The following PBX1 variants were observed in gnomAD, a reference collection of about 807,000 sequenced individuals.
PBX1 encodes pre-B-cell leukemia transcription factor 1.
In PBX1, 6 loss-of-function variants were observed where a neutral mutation model predicts 53.4. The ratio of observed to expected loss-of-function variants is 0.11; its 90% CI spans 0.06 to 0.22. The LOEUF is 0.22. PBX1 is among the 10% of genes least tolerant of loss of function. PBX1 has a pLI of 1.00. For missense variants in PBX1, 251 were observed against 551.4 expected, an observed-to-expected ratio of 0.46 and a Z score of 5.46; for synonymous variants, 204 against 212.3, an observed-to-expected ratio of 0.96 and a Z score of 0.34.
At chr1:164,716,654 C>T (rs1031493045) in intron 2 of PBX1, among the ~76,000 whole-genome samples, 1 of 140,420 alleles carries the variant, frequency 7.1e-6, no homozygotes, top group Non-Finnish European at 1.5e-5. Flanking sequence ...TAGTTTGAGA[C>T]CAGCCTGGGC....
chr1:164,581,374 C>T (rs564475441), intron 2 of PBX1, among the ~76,000 whole-genome samples: 10 of 151,754 alleles, frequency 6.6e-5, no homozygotes, highest in South Asian at 2.1e-4. Context: ...ATTACAGGCA[C>T]GGGCCACCGC....
At chr1:164,814,202 C>A (rs981613183) in intron 6 of PBX1, 31 of 152,122 alleles carry the variant, frequency 2.0e-4, no homozygotes, top group African/African-American at 7.5e-4. Flanking sequence ...TAAAGTAGAA[C>A]TTTAAAATGT....
rs568973110 is a variant in PBX1 at position 164,725,322 on chromosome 1, T to G, written c.266-67172T>G. Among the ~76,000 whole-genome samples the G allele has an allele frequency of 3.3e-5, 5 of 152,300 alleles. No individual in the cohort carries two copies. In the East Asian group the frequency reaches 7.8e-4, roughly 24 times the overall value. Reference sequence around the variant, plus strand: ...CATTTTTAGGTCTTCAGTATGTTTATTTGTCCCTCACATAGCGGCTTGATC... The same window carrying G: ...CATTTTTAGGTCTTCAGTATGTTTAGTTGTCCCTCACATAGCGGCTTGATC... On this transcript the variant is annotated intron_variant, in intron 2 of 8. Transcript: ENST00000420696.
At chr1:164,666,236 G>A (rs775946798) in intron 2 of PBX1, among the ~76,000 whole-genome samples, 28 of 152,198 alleles carry the variant, frequency 1.8e-4, no homozygotes, top group Non-Finnish European at 3.4e-4. Context: ...GCCACTTGGC[G>A]TCTCAGCCCT....
chr1:164,839,737 A>G (rs1050975397), intron 8 of PBX1, among the ~76,000 whole-genome samples: 3 of 152,166 alleles, frequency 2.0e-5, no homozygotes, highest in African/African-American at 4.8e-5. Context: ...AAGGATTTCT[A>G]TTCTCCACCA....
intron 2 of PBX1, among the ~76,000 whole-genome samples, chr1:164,659,144 G>A (rs1660341041): frequency 1.3e-5 from 2 of 152,186 alleles, no homozygotes; most frequent in South Asian, 4.1e-4. Flanking sequence ...CACAGAGAGG[G>A]AATATTTCTT....
chr1:164,613,446 T>C (rs1268193991), intron 2 of PBX1, among the ~76,000 whole-genome samples: 1 of 152,174 alleles, frequency 6.6e-6, no homozygotes, highest in African/African-American at 2.4e-5. Flanking sequence ...CCTGGCAAAC[T>C]GTTTTTCCTC....
chr1:164,673,700 A>C (rs999163042), intron 2 of PBX1, among the ~76,000 whole-genome samples: 1 of 151,896 alleles, frequency 6.6e-6, no homozygotes, highest in Non-Finnish European at 1.5e-5. Flanking sequence ...TTAAATTTTG[A>C]CTTTGTAAAT....
intron 4 of PBX1, among the ~76,000 whole-genome samples, chr1:164,804,179 C>A (rs968922226): frequency 6.6e-6 from 1 of 152,098 alleles, no homozygotes; most frequent in African/African-American, 2.4e-5. Context: ...ATTATTGAAG[C>A]CTGTGCTCCT....
intron 8 of PBX1, among the ~76,000 whole-genome samples, chr1:164,832,086 A>G (rs888720158): frequency 2.6e-5 from 4 of 152,200 alleles, no homozygotes; most frequent in African/African-American, 4.8e-5. Flanking sequence ...TTACCTCACT[A>G]TTACATTTTT....
At chr1:164,813,729 T>C (rs886624309) in intron 6 of PBX1, 2 of 152,272 alleles carry the variant, frequency 1.3e-5, no homozygotes, top group African/African-American at 4.8e-5. Context: ...TGGCTTAGCA[T>C]GATTTATGAC....
chr1:164,841,000 G>A lies in PBX1; in HGVS notation c.1201-5584G>A, dbSNP rs372720608. ...TCTCCAAGAAACATTTATCAAAATC[G>A]GCGATGTGTCGGGCACTGTGGTGGG... On this transcript the variant is annotated intron_variant, in intron 8 of 8. Coordinates refer to ENST00000420696, the MANE Select transcript of PBX1 (RefSeq NM_002585.4). 4.6e-5 allele frequency among the ~76,000 whole-genome samples: 7 copies of A among 152,126 alleles called. No homozygotes were observed. The East Asian group carries it at 9.7e-4, about 21-fold the overall frequency.
intron 2 of PBX1, among the ~76,000 whole-genome samples, chr1:164,743,877 C>A (rs1367726576): frequency 1.3e-5 from 2 of 152,108 alleles, no homozygotes; most frequent in Non-Finnish European, 1.5e-5. Flanking sequence ...GTACAGTTAT[C>A]CAGAACTTAG....
intron 2 of PBX1, among the ~76,000 whole-genome samples, chr1:164,751,580 CCT>C (rs752462643): frequency 6.3e-5 from 9 of 142,060 alleles, no homozygotes; most frequent in Admixed American, 1.4e-4. Flanking sequence ...TTATTGCCCC[CCT>C]TTTTTTTTTT....
At chr1:164,661,018 G>A (rs1259875907) in intron 2 of PBX1, among the ~76,000 whole-genome samples, 3 of 152,200 alleles carry the variant, frequency 2.0e-5, no homozygotes, top group African/African-American at 7.2e-5. Context: ...GAAGCCAACA[G>A]CTGATCACAT....
intron 2 of PBX1, among the ~76,000 whole-genome samples, chr1:164,597,631 G>A (rs1655860603): frequency 6.6e-6 from 1 of 152,008 alleles, no homozygotes; most frequent in Non-Finnish European, 1.5e-5. Flanking sequence ...CCAGGACCTG[G>A]TATGTACTTT....
intron 2 of PBX1, among the ~76,000 whole-genome samples, chr1:164,730,533 G>A (rs1664921579): frequency 1.3e-5 from 2 of 152,112 alleles, no homozygotes; most frequent in African/African-American, 4.8e-5. Flanking sequence ...TTCGTCACAA[G>A]CCCCTCTCAT....
At chr1:164,661,900 A>T (rs1250019985) in intron 2 of PBX1, among the ~76,000 whole-genome samples, 1 of 152,194 alleles carries the variant, frequency 6.6e-6, no homozygotes, top group Non-Finnish European at 1.5e-5. Context: ...AAAAACAGGA[A>T]AAAAAGGACT....
At chr1:164,586,883 G>A (rs1428963992) in intron 2 of PBX1, among the ~76,000 whole-genome samples, 1 of 152,084 alleles carries the variant, frequency 6.6e-6, no homozygotes, top group African/African-American at 2.4e-5. Flanking sequence ...ATCCGCAGAG[G>A]GAACTTGAAA....
Sources: allele counts gnomAD v4.1 joint callset (sites outside exome capture counted in the v4.1 genomes callset), GRCh38; gene constraint gnomAD v4.1.1; transcripts MANE v1.5; gene names NCBI Gene and HGNC (gene_info 2026-07-23, HGNC 2026-07-21).